Variants in MTDH observed in about 807,000 individuals in gnomAD.
MTDH encodes the protein metadherin, also known as protein LYRIC.
MTDH carries 34 observed loss-of-function variants against 72.7 expected under a neutral mutation model. The ratio of observed to expected loss-of-function variants is 0.47; its 90% CI spans 0.36 to 0.62. The LOEUF (loss-of-function observed/expected upper bound fraction) is 0.62, where lower values mean the gene tolerates loss of function less well. MTDH is among the 20% of genes least tolerant of loss of function. MTDH has a pLI of 0.00. For missense variants in MTDH, 677 were observed against 699.4 expected (o/e 0.97, Z 0.36); for synonymous variants, 266 against 268.9 (o/e 0.99, Z 0.10).
chr8:97,701,117 C>A (rs867061570), intron 7 of MTDH, among the ~76,000 whole-genome samples: 1 of 152,064 alleles, frequency 6.6e-6, no homozygotes, highest in Middle Eastern at 3.2e-3. Flanking sequence ...GCTGTAAAAT[C>A]GAGCAAATAA....
chr8:97,663,916 C>A lies in MTDH; in HGVS notation c.483+2743C>A, dbSNP rs369901667. On this transcript the variant is annotated intron_variant, in intron 2 of 11. Transcript: ENST00000336273. ...CTATTGAAAGTATAGTCAGTTCTAACCCAAATCTATCTGACTTCAAAGTCT... is the reference window on the plus strand; with the variant it reads ...CTATTGAAAGTATAGTCAGTTCTAAACCAAATCTATCTGACTTCAAAGTCT... Among the ~76,000 whole-genome samples the A allele has an allele frequency of 2.4e-3, 362 of 152,214 alleles. 17 individuals are homozygous for A. The South Asian group carries it at 0.073, about 31-fold the overall frequency.
intron 8 of MTDH, among the ~76,000 whole-genome samples, chr8:97,712,846 G>C (rs1814691938): frequency 6.6e-6 from 1 of 152,052 alleles, no homozygotes; most frequent in Non-Finnish European, 1.5e-5. Flanking sequence ...GTCTGTTCAT[G>C]TCTTTTGCAT....
chr8:97,648,588 G>A (rs1181419097), intron 1 of MTDH, among the ~76,000 whole-genome samples: 1 of 151,708 alleles, frequency 6.6e-6, no homozygotes, highest in Non-Finnish European at 1.5e-5. Context: ...CAAACTCCTG[G>A]CCTCAAGCCA....
Position 97,653,646 on chromosome 8 carries a change from T to C in MTDH, c.382-7426T>C, listed in dbSNP as rs1190620809. Among the ~76,000 whole-genome samples the C allele has an allele frequency of 2.0e-5, 3 of 152,338 alleles. No homozygotes were observed. In the East Asian group the frequency reaches 5.8e-4, roughly 29 times the overall value. Reference sequence around the variant, plus strand: ...ACCCTATGAACATTCATTTTTGTTGTGCTTTGGCATTACTGGTTAGTGTAC... The same window carrying C: ...ACCCTATGAACATTCATTTTTGTTGCGCTTTGGCATTACTGGTTAGTGTAC... On this transcript the variant is annotated intron_variant, in intron 1 of 11. Transcript: ENST00000336273.
intron 6 of MTDH, among the ~76,000 whole-genome samples, chr8:97,693,076 T>C (rs532396887): frequency 4.6e-5 from 7 of 152,236 alleles, no homozygotes; most frequent in African/African-American, 1.7e-4. Context: ...GTGAGTGATA[T>C]TGGATTAAAG....
chr8:97,685,856 T>C (rs1187030921), intron 2 of MTDH, among the ~76,000 whole-genome samples: 1 of 152,200 alleles, frequency 6.6e-6, no homozygotes, highest in East Asian at 1.9e-4. Flanking sequence ...TACTATTTTA[T>C]AAACGTTAAT....
chr8:97,660,993 A>G, intron 1 of MTDH, 79 bp from the exon 2 acceptor site: 1 of 1,098,104 alleles, frequency 9.1e-7, no homozygotes, highest in South Asian at 1.4e-5. Context: ...ATTGTAGTAT[A>G]TATGGTTTCC....
At chr8:97,703,453 T>TAG (rs1814219626) in intron 7 of MTDH, among the ~76,000 whole-genome samples, 2 of 152,240 alleles carry the variant, frequency 1.3e-5, no homozygotes, top group African/African-American at 4.8e-5. Flanking sequence ...GTTGGTATAT[T>TAG]GCCCACTCAA....
rs1177976233 is a variant in MTDH at position 97,726,121 on chromosome 8, A to C, written c.*1451A>C. On this transcript the variant is annotated 3_prime_UTR_variant, in exon 12 of 12. Coordinates refer to ENST00000336273, the MANE Select transcript of MTDH (RefSeq NM_178812.4). Reference sequence around the variant, plus strand: ...ATTGCGTTGTCAGACTAGGAAAGCTAAACGAACAAAATGGTTTTAGTTTTG... The same window carrying C: ...ATTGCGTTGTCAGACTAGGAAAGCTCAACGAACAAAATGGTTTTAGTTTTG... 6.6e-6 allele frequency: 1 copy of C among 152,664 alleles called. No individual in the cohort carries two copies. The highest frequency in any genetic ancestry group is 1.5e-5 in the Non-Finnish European group (1 of 68,046). The allele number at this position is 152,664 out of a possible 1,614,324, so 9.5% of individuals were successfully genotyped here. A position where few individuals can be genotyped will look rare whatever the true frequency, so the allele number is the denominator to read the frequency against.
chr8:97,692,764 C>G (rs1028946953), intron 6 of MTDH, among the ~76,000 whole-genome samples: 10 of 151,554 alleles, frequency 6.6e-5, no homozygotes, highest in African/African-American at 2.4e-4. Context: ...GGGTCTCTCT[C>G]TGTTACCCAG....
intron 1 of MTDH, among the ~76,000 whole-genome samples, chr8:97,649,847 A>G (rs1475708893): frequency 2.0e-5 from 3 of 152,180 alleles, no homozygotes; most frequent in East Asian, 3.9e-4. Flanking sequence ...CAGGCAGTCC[A>G]CCTGCCTCAG....
intron 4 of MTDH, among the ~76,000 whole-genome samples, chr8:97,688,530 A>G (rs1173673880): frequency 6.6e-6 from 1 of 152,012 alleles, no homozygotes; most frequent in Non-Finnish European, 1.5e-5. Context: ...AAACATTGTG[A>G]TCATTATGCT....
At chr8:97,694,554 G>C (rs1290171339) in intron 6 of MTDH, among the ~76,000 whole-genome samples, 1 of 152,090 alleles carries the variant, frequency 6.6e-6, no homozygotes, top group Non-Finnish European at 1.5e-5. Context: ...TAATTATATT[G>C]TTTTTAAGCT....
chr8:97,651,787 GTATCTCAAACTTTTTAAAAAT>G (rs1193789756), intron 1 of MTDH, among the ~76,000 whole-genome samples: 2 of 152,054 alleles, frequency 1.3e-5, no homozygotes, highest in South Asian at 2.1e-4. Context: ...AGTCTGATAC[GTATCTCAAACTTTTTAAAAAT>G]TATCTCAAAC....
rs1016301288 is a variant in MTDH, at chr8:97,727,979, T to C, written c.*3309T>C. 1 of 152,176 alleles carries C rather than the reference T, an allele frequency of 6.6e-6. No individual in the cohort carries two copies. The highest frequency in any genetic ancestry group is 1.5e-5 in the Non-Finnish European group (1 of 68,022). The allele number at this position is 152,176 out of a possible 1,614,324, so 9.4% of individuals were successfully genotyped here. On this transcript the variant is annotated 3_prime_UTR_variant, in exon 12 of 12. Transcript: ENST00000336273. ...GTCAGAATAATTCACCCAAATCTAGTGGTCTTATTTCATAGGCTAATCTGG... is the reference window on the plus strand; with the variant it reads ...GTCAGAATAATTCACCCAAATCTAGCGGTCTTATTTCATAGGCTAATCTGG...
intron 2 of MTDH, among the ~76,000 whole-genome samples, chr8:97,683,045 CTTTTTTTTTTTTTTTTTTT>C (rs71271144): frequency 0.015 from 680 of 44,354 alleles, 9 homozygotes; most frequent in Non-Finnish European, 0.025. Context: ...CTCTTAGACA[CTTTTTTTTTTTTTTTTTTT>C]TTTTTTTTTT....
intron 1 of MTDH, among the ~76,000 whole-genome samples, chr8:97,656,108 G>T (rs1373258235): frequency 2.0e-5 from 3 of 152,012 alleles, no homozygotes; most frequent in Non-Finnish European, 4.4e-5. Flanking sequence ...TAGGTCATTT[G>T]AATCATGATC....
chr8:97,709,155 C>T lies in MTDH; in HGVS notation c.1272+2405C>T, dbSNP rs187753349. Reference sequence around the variant, plus strand: ...GTTACAGTGAGCCAAGGTTGTGCCACTGCACTCCAGCCTGGACAACATAGC... The same window carrying T: ...GTTACAGTGAGCCAAGGTTGTGCCATTGCACTCCAGCCTGGACAACATAGC... On this transcript the variant is annotated intron_variant, in intron 8 of 11. Coordinates refer to ENST00000336273, the MANE Select transcript of MTDH (RefSeq NM_178812.4). Among the ~76,000 whole-genome samples, 169 of 149,852 alleles carry T rather than the reference C, an allele frequency of 1.1e-3. 1 individual carries two copies. Among genetic ancestry groups the T allele is most frequent in the Admixed American group, 3.1e-3 (46 of 15,020 alleles).
At chr8:97,690,578 C>T (rs1409245960) in intron 5 of MTDH, among the ~76,000 whole-genome samples, 1 of 152,126 alleles carries the variant, frequency 6.6e-6, no homozygotes, top group African/African-American at 2.4e-5. Context: ...ATAAATTTTT[C>T]AGTTAATTTT....
Sources: gnomAD v4.1 joint callset for allele counts (sites outside exome capture counted in the v4.1 genomes callset) on GRCh38, gnomAD v4.1.1 for gene constraint, MANE v1.5 for transcripts, NCBI Gene and HGNC (gene_info 2026-07-23, HGNC 2026-07-21) for gene names.